The following CHSY3 variants were observed in gnomAD, a reference collection of about 807,000 sequenced individuals.
CHSY3 encodes the protein N-acetylgalactosaminyl-proteoglycan 3-beta-glucuronosyltransferase 3.
A neutral mutation model predicts 67.2 loss-of-function variants in CHSY3; 35 were observed. That is an observed-to-expected ratio of 0.52 (90% CI 0.40 to 0.69). The LOEUF is 0.69. Ranked by LOEUF, CHSY3 falls within the 30% of genes least tolerant of loss-of-function variation. The pLI is 0.00. For synonymous variants in CHSY3, 474 were observed against 434.7 expected (o/e 1.09, Z -1.12); for missense variants, 1,069 against 1,138.5 (o/e 0.94, Z 0.88).
rs191894320 is a variant in CHSY3 at position 130,000,204 on chromosome 5, A to T, written c.1086+91844A>T. Among the ~76,000 whole-genome samples, 10 of 152,348 alleles carry T rather than the reference A, an allele frequency of 6.6e-5. No individual in the cohort carries two copies. The East Asian group carries it at 1.2e-3, about 18-fold the overall frequency. ...TTTTTATGAAAGATAGGGACATGCT[A>T]AGCATGCTTTTCCTTCTCTAAGTTA... On this transcript the variant is annotated intron_variant, in intron 2 of 2. Transcript: ENST00000305031.
At chr5:129,929,266 G>A (rs1761219874) in intron 2 of CHSY3, among the ~76,000 whole-genome samples, 1 of 152,152 alleles carries the variant, frequency 6.6e-6, no homozygotes, top group African/African-American at 2.4e-5. Context: ...GAGTGAAAGA[G>A]ATCAAAATTG....
chr5:130,176,523 A>G (rs1404915788), intron 2 of CHSY3, among the ~76,000 whole-genome samples: 2 of 152,192 alleles, frequency 1.3e-5, no homozygotes, highest in East Asian at 3.9e-4. Context: ...AAATCATTCT[A>G]CTATAAAGAC....
intron 2 of CHSY3, among the ~76,000 whole-genome samples, chr5:129,972,453 A>G (rs1762670145): frequency 6.6e-6 from 1 of 152,032 alleles, no homozygotes; most frequent in African/African-American, 2.4e-5. Flanking sequence ...TATATGCTAT[A>G]TATGTCTATA....
chr5:129,905,692 G>C, intron 1 of CHSY3, 61 bp downstream of exon 1: 1 of 1,573,754 alleles, frequency 6.4e-7, no homozygotes, highest in Non-Finnish European at 8.6e-7. Context: ...CTCTGTAACC[G>C]GTCCTAGCCC....
Position 130,030,019 on chromosome 5 carries a change from A to G in CHSY3, c.1086+121659A>G, listed in dbSNP as rs1012819986. Among the ~76,000 whole-genome samples, 3 of 152,112 alleles carry G rather than the reference A, an allele frequency of 2.0e-5. No homozygotes were observed. The South Asian group carries it at 6.2e-4, about 32-fold the overall frequency. ...AGACACAAATATTTGCATCTGTCCTATACTTAAATTTTTTTCCTAAATTAG... is the reference window on the plus strand; with the variant it reads ...AGACACAAATATTTGCATCTGTCCTGTACTTAAATTTTTTTCCTAAATTAG... On this transcript the variant is annotated intron_variant, in intron 2 of 2. Transcript: ENST00000305031.
intron 2 of CHSY3, among the ~76,000 whole-genome samples, chr5:130,170,175 C>T (rs997704695): frequency 1.3e-5 from 2 of 151,934 alleles, no homozygotes; most frequent in Non-Finnish European, 2.9e-5. Flanking sequence ...CTATTATTTC[C>T]GTCTTTATAT....
At chr5:129,904,131 G>T (rs1025434675), upstream of CHSY3, among the ~76,000 whole-genome samples, 4 of 152,032 alleles carry the variant, frequency 2.6e-5, no homozygotes, top group African/African-American at 9.7e-5. Flanking sequence ...GTGTCGGGAG[G>T]CCAGCGGAGG....
chr5:129,918,158 G>A (rs144023561), intron 2 of CHSY3, among the ~76,000 whole-genome samples: 3 of 152,202 alleles, frequency 2.0e-5, no homozygotes, highest in East Asian at 1.9e-4. Flanking sequence ...CTCACGATCT[G>A]ATTTTCATGG....
At chr5:130,166,127 T>A (rs1769739731) in intron 2 of CHSY3, among the ~76,000 whole-genome samples, 1 of 152,190 alleles carries the variant, frequency 6.6e-6, no homozygotes. Flanking sequence ...TTGATTGTAC[T>A]AATTATAGTT....
intron 2 of CHSY3, among the ~76,000 whole-genome samples, chr5:130,107,196 G>A (rs1413407215): frequency 6.6e-6 from 1 of 151,154 alleles, no homozygotes; most frequent in African/African-American, 2.4e-5. Context: ...TTTGATCAGA[G>A]CCTTCATTCT....
chr5:130,155,084 C>A (rs1253301496), intron 2 of CHSY3, among the ~76,000 whole-genome samples: 1 of 152,174 alleles, frequency 6.6e-6, no homozygotes, highest in African/African-American at 2.4e-5. Flanking sequence ...CCGCTACTCC[C>A]TGGGACATAC....
chr5:130,154,786 G>A (rs1225142824), intron 2 of CHSY3, among the ~76,000 whole-genome samples: 1 of 152,106 alleles, frequency 6.6e-6, no homozygotes, highest in East Asian at 1.9e-4. Flanking sequence ...GTTATTGTTA[G>A]GAGTGTGAGA....
chr5:130,020,909 C>T (rs1171798812), intron 2 of CHSY3, among the ~76,000 whole-genome samples: 15 of 152,028 alleles, frequency 9.9e-5, no homozygotes, highest in South Asian at 2.1e-4. Context: ...CAGTTATTTA[C>T]GTGTTTTTTT....
chr5:130,033,465 C>T (rs1764758214), intron 2 of CHSY3, among the ~76,000 whole-genome samples: 2 of 152,126 alleles, frequency 1.3e-5, no homozygotes, highest in Non-Finnish European at 2.9e-5. Flanking sequence ...TGTGCAATTA[C>T]TGATTCTCAT....
chr5:130,080,430 T>TC (rs1238381393), intron 2 of CHSY3, among the ~76,000 whole-genome samples: 1 of 152,148 alleles, frequency 6.6e-6, no homozygotes, highest in African/African-American at 2.4e-5. Context: ...GGATGTTTTT[T>TC]CTCACAGTGT....
chr5:130,104,542 C>T (rs1045636903), intron 2 of CHSY3, among the ~76,000 whole-genome samples: 3 of 151,640 alleles, frequency 2.0e-5, no homozygotes, highest in African/African-American at 2.4e-5. Flanking sequence ...GCCAAAGGTT[C>T]AGGGCTTTTG....
chr5:129,986,784 A>G (rs894573354), intron 2 of CHSY3, among the ~76,000 whole-genome samples: 10 of 152,130 alleles, frequency 6.6e-5, no homozygotes, highest in African/African-American at 2.4e-4. Flanking sequence ...CTGGGATTAC[A>G]GGCATGTGCC....
chr5:130,049,286 C>T (rs2149670245), intron 2 of CHSY3, among the ~76,000 whole-genome samples: 2 of 152,010 alleles, frequency 1.3e-5, no homozygotes, highest in South Asian at 4.2e-4. Context: ...ATTATCACAC[C>T]AAGAAGATAT....
intron 2 of CHSY3, among the ~76,000 whole-genome samples, chr5:130,052,737 C>T (rs1030982887): frequency 6.6e-6 from 1 of 151,978 alleles, no homozygotes; most frequent in Non-Finnish European, 1.5e-5. Flanking sequence ...ATCTTAATAC[C>T]ATTTAAATAT....
Sources: gnomAD v4.1 joint callset for allele counts (sites outside exome capture counted in the v4.1 genomes callset) on GRCh38, gnomAD v4.1.1 for gene constraint, MANE v1.5 for transcripts, NCBI Gene and HGNC (gene_info 2026-07-23, HGNC 2026-07-21) for gene names.